Variants in CMBL observed in about 807,000 individuals in gnomAD.
The protein encoded by CMBL is carboxymethylenebutenolidase homolog (Pseudomonas).
In CMBL, 17 loss-of-function variants were observed where a neutral mutation model predicts 28.7. The observed-to-expected ratio is 0.59, with a 90% CI of 0.41 to 0.89. The LOEUF (loss-of-function observed/expected upper bound fraction) is 0.89, where lower values mean the gene tolerates loss of function less well. Ranked by LOEUF, CMBL falls within the 40% of genes least tolerant of loss-of-function variation. The probability of loss-of-function intolerance (pLI) is 0.00; values close to 1 mark genes in which losing one functional copy is unlikely to be tolerated. For missense variants in CMBL, 310 were observed against 298.5 expected (o/e 1.04, Z -0.28); for synonymous variants, 106 against 101.6 (o/e 1.04, Z -0.26).
chr5:10,300,791 C>T (rs1579477750), intron 1 of CMBL, among the ~76,000 whole-genome samples: 2 of 149,794 alleles, frequency 1.3e-5, no homozygotes, highest in Non-Finnish European at 1.5e-5. Context: ...CAAAGAGAGA[C>T]ATTTTTATTT....
intron 2 of CMBL, 38 bp downstream of exon 2, chr5:10,290,510 G>T: frequency 6.5e-7 from 1 of 1,541,826 alleles, no homozygotes; most frequent in Non-Finnish European, 9.0e-7. Context: ...ACTGAAATTT[G>T]TATGAATTTA....
chr5:10,287,027 C>A (rs1297160141), intron 3 of CMBL, among the ~76,000 whole-genome samples: 2 of 152,220 alleles, frequency 1.3e-5, no homozygotes, highest in African/African-American at 2.4e-5. Flanking sequence ...CCTCCCCCTG[C>A]CGCCCAGTGA....
intron 1 of CMBL, among the ~76,000 whole-genome samples, chr5:10,293,261 C>T (rs73052326): frequency 0.05 from 7,601 of 152,260 alleles, 316 homozygotes; most frequent in South Asian, 0.14. Flanking sequence ...ATACAGTAAA[C>T]TGGGTAGCTC....
intron 3 of CMBL, 83 bp downstream of exon 3, chr5:10,288,339 G>A (rs1484878214): frequency 2.2e-6 from 2 of 929,552 alleles, no homozygotes; most frequent in East Asian, 4.8e-5. Context: ...AAGGTAAGGA[G>A]TAGTGTCTGA....
chr5:10,295,684 C>T (rs1025967331), intron 1 of CMBL, among the ~76,000 whole-genome samples: 2 of 152,148 alleles, frequency 1.3e-5, no homozygotes, highest in Admixed American at 1.3e-4. Context: ...AGAAGATGAC[C>T]ATCTGCAAAC....
chr5:10,293,135 AC>A (rs1472397189), intron 1 of CMBL, among the ~76,000 whole-genome samples: 1 of 152,284 alleles, frequency 6.6e-6, no homozygotes, highest in Non-Finnish European at 1.5e-5. Flanking sequence ...AGACATCTTT[AC>A]AGCCTAGACT....
intron 1 of CMBL, among the ~76,000 whole-genome samples, chr5:10,296,499 T>C (rs1213627020): frequency 6.6e-6 from 1 of 152,192 alleles, no homozygotes; most frequent in Non-Finnish European, 1.5e-5. Flanking sequence ...CAGGCTGGTC[T>C]CAAACTCCTG....
intron 5 of CMBL, among the ~76,000 whole-genome samples, chr5:10,281,077 A>T (rs1746491346): frequency 6.6e-6 from 1 of 152,102 alleles, no homozygotes; most frequent in African/African-American, 2.4e-5. Flanking sequence ...CCCGGCCTCT[A>T]CTGCTAATTT....
chr5:10,280,377 A>T lies in CMBL; in HGVS notation c.*76T>A. ...CACTTATTTTATAAAAGTGAAAATT[A>T]AATCAAATGATCTAACTATTTCCAA... On this transcript the variant is annotated 3_prime_UTR_variant, in exon 6 of 6. Coordinates refer to ENST00000296658, the MANE Select transcript of CMBL (RefSeq NM_138809.4). 1.9e-6 allele frequency: 2 copies of T among 1,077,780 alleles called. No individual in the cohort carries two copies. The highest frequency in any genetic ancestry group is 2.6e-6 in the Non-Finnish European group (2 of 767,438). 66.8% of individuals were successfully genotyped at this position (1,077,780 alleles called of 1,614,324 possible).
At position 10,283,891 on chromosome 5, in the gene CMBL, C is replaced by T. The variant is rs148479282; in HGVS notation, c.467-1603G>A. On this transcript the variant is annotated intron_variant, in intron 4 of 5. Transcript: ENST00000296658. Reference sequence around the variant, plus strand: ...ACCTGTGGGTGTGTCCACTTCTATGCGAAAATAAGTAAGTAAAAGATTTGC... The same window carrying T: ...ACCTGTGGGTGTGTCCACTTCTATGTGAAAATAAGTAAGTAAAAGATTTGC... Among the ~76,000 whole-genome samples the T allele has an allele frequency of 4.0e-3, 616 of 152,290 alleles. 5 individuals are homozygous for T. The highest frequency in any genetic ancestry group is 0.014 in the African/African-American group (582 of 41,560).
In CMBL at chr5:10,290,671, T is replaced by C. The variant is rs1259154643; in HGVS notation, c.92A>G (p.Lys31Arg). ...LGREVQVEHIKAYVTKSPVDA... is the reference protein window; with the variant it reads ...LGREVQVEHIRAYVTKSPVDA... ...AACGGGGGATTTGGTGACATAAGCCTTGATGTGCTCGACTTGAACTTCACG... is the reference window on the plus strand; with the variant it reads ...AACGGGGGATTTGGTGACATAAGCCCTGATGTGCTCGACTTGAACTTCACG... The change falls in exon 2 of 6, where the codon AAG becomes AGG. Residue 31 changes from lysine (K) to arginine (R), a missense_variant. By Grantham distance (26) the Lys-to-Arg change is conservative. Transcript: ENST00000296658. 1 of 1,614,248 alleles carries C rather than the reference T, an allele frequency of 6.2e-7. No homozygotes were observed. Among genetic ancestry groups the C allele is most frequent in the Non-Finnish European group, 8.5e-7 (1 of 1,180,048 alleles).
At chr5:10,306,572 G>A (rs1475024629) in intron 1 of CMBL, among the ~76,000 whole-genome samples, 1 of 152,178 alleles carries the variant, frequency 6.6e-6, no homozygotes, top group African/African-American at 2.4e-5. Context: ...ACACAGGAAA[G>A]TGGGGTCTAA....
At chr5:10,302,229 G>A (rs910144243) in intron 1 of CMBL, among the ~76,000 whole-genome samples, 3 of 152,202 alleles carry the variant, frequency 2.0e-5, no homozygotes, top group South Asian at 2.1e-4. Flanking sequence ...CAGGATTTTA[G>A]CTTCCTCCTG....
chr5:10,285,460 C>A (rs1746582263), intron 4 of CMBL, among the ~76,000 whole-genome samples: 1 of 152,110 alleles, frequency 6.6e-6, no homozygotes, highest in Non-Finnish European at 1.5e-5. Flanking sequence ...AGCCACCACG[C>A]CCAGCCTTAA....
chr5:10,291,729 G>T (rs1746724198), intron 1 of CMBL, among the ~76,000 whole-genome samples: 1 of 152,102 alleles, frequency 6.6e-6, no homozygotes, highest in Admixed American at 6.5e-5. Flanking sequence ...TGCTTGCAAA[G>T]TAGGAATACC....
At chr5:10,281,012 G>A (rs1055045104) in intron 5 of CMBL, among the ~76,000 whole-genome samples, 6 of 152,176 alleles carry the variant, frequency 3.9e-5, no homozygotes, top group Admixed American at 6.5e-5. Context: ...GACCTCAAGT[G>A]ATCTGCCTGC....
chr5:10,299,690 A>G (rs1269457453), intron 1 of CMBL, among the ~76,000 whole-genome samples: 1 of 151,554 alleles, frequency 6.6e-6, no homozygotes, highest in African/African-American at 2.4e-5. Flanking sequence ...AAAAAAAAAA[A>G]GCAGAAAAAT....
intron 1 of CMBL, among the ~76,000 whole-genome samples, chr5:10,306,174 T>C (rs1746997408): frequency 6.6e-6 from 1 of 152,080 alleles, no homozygotes; most frequent in South Asian, 2.1e-4. Flanking sequence ...GAGGGTGTGG[T>C]TTTCCTGATT....
At chr5:10,296,372 C>A (rs909066282) in intron 1 of CMBL, among the ~76,000 whole-genome samples, 7 of 152,148 alleles carry the variant, frequency 4.6e-5, no homozygotes, top group Non-Finnish European at 1.5e-5. Flanking sequence ...CCTCCACCTA[C>A]CAGTTTCAAG....
Sources: allele counts gnomAD v4.1 joint callset (sites outside exome capture counted in the v4.1 genomes callset), GRCh38; gene constraint gnomAD v4.1.1; transcripts MANE v1.5; gene names NCBI Gene and HGNC (gene_info 2026-07-23, HGNC 2026-07-21).